The following PIK3CG variants were observed in gnomAD, a reference collection of about 807,000 sequenced individuals.
The protein encoded by PIK3CG is phosphatidylinositol-4,5-bisphosphate 3-kinase catalytic subunit gamma.
PIK3CG carries 55 observed loss-of-function variants against 102.3 expected under a neutral mutation model. The ratio of observed to expected loss-of-function variants is 0.54; its 90% CI spans 0.43 to 0.67. The LOEUF is 0.67. PIK3CG is among the 30% of genes least tolerant of loss of function. The pLI is 0.00. For missense variants in PIK3CG, 1,258 were observed against 1,391.8 expected (o/e 0.90, Z 1.53); for synonymous variants, 552 against 540.0 (o/e 1.02, Z -0.31).
rs2116549192 is a variant in PIK3CG, at chr7:106,883,710, T to G, written c.2761-445T>G. Reference sequence around the variant, plus strand: ...TGCTGCACAGGATTAGCACTTCTCATTTGCATGGTTAGCAGCCTTTTGGGG... The same window carrying G: ...TGCTGCACAGGATTAGCACTTCTCAGTTGCATGGTTAGCAGCCTTTTGGGG... On this transcript the variant is annotated intron_variant, in intron 8 of 10. Coordinates refer to ENST00000496166, the MANE Select transcript of PIK3CG (RefSeq NM_001282426.2). The surrounding 1 kb of genome is among the most constrained non-coding windows in gnomAD (Gnocchi z 5.8). Among the ~76,000 whole-genome samples, 1 of 152,316 alleles carries G rather than the reference T, an allele frequency of 6.6e-6. No homozygotes were observed. Among genetic ancestry groups the G allele is most frequent in the East Asian group, 1.9e-4 (1 of 5,178 alleles).
chr7:106,904,628 T>C (rs1408561438), intron 10 of PIK3CG, among the ~76,000 whole-genome samples: 2 of 152,244 alleles, frequency 1.3e-5, no homozygotes, highest in African/African-American at 4.8e-5. Flanking sequence ...CTAATGCATC[T>C]GTTTTCTTAG....
chr7:106,897,420 T>TCA lies in PIK3CG; in HGVS notation c.3031-7689_3031-7688insCA. On this transcript the variant is annotated intron_variant, in intron 10 of 10. Coordinates refer to ENST00000496166, the MANE Select transcript of PIK3CG (RefSeq NM_001282426.2). This position sits in a 1 kb window ranked among gnomAD's most constrained non-coding sequence, Gnocchi z 4.6. The stretch of plus-strand genomic sequence containing the variant: ...TTTGGCTGGGGGTACATGTGAAAGT[T>TCA]TGTTACATAGGTAAACACATGTCAC... Among the ~76,000 whole-genome samples, 1 of 152,218 alleles carries TCA rather than the reference T, an allele frequency of 6.6e-6. No homozygotes were observed. The highest frequency in any genetic ancestry group is 2.4e-5 in the African/African-American group (1 of 41,440).
In PIK3CG at chr7:106,890,461, G is replaced by A. The variant is rs1036390730; in HGVS notation, c.3030+4169G>A. On this transcript the variant is annotated intron_variant, in intron 10 of 10. Coordinates refer to ENST00000496166, the MANE Select transcript of PIK3CG (RefSeq NM_001282426.2). The surrounding 1 kb of genome is among the most constrained non-coding windows in gnomAD (Gnocchi z 4.2). ...CTCCCAAAGTGCTGGGACTACAGGC[G>A]TGAGCCAGCGTGCCCAGCCCCGAAT... Among the ~76,000 whole-genome samples the A allele has an allele frequency of 2.5e-4, 38 of 152,236 alleles. 1 individual carries two copies. The highest frequency in any genetic ancestry group is 8.4e-4 in the African/African-American group (35 of 41,450).
chr7:106,905,377 A>G lies in PIK3CG; in HGVS notation c.3299A>G (p.His1100Arg), dbSNP rs2116620169. The change falls in exon 11 of 11, where the codon CAT becomes CGT. Residue 1100 changes from histidine (H) to arginine (R), a missense_variant. By Grantham distance (29) the His-to-Arg change is conservative. Transcript: ENST00000496166. The surrounding 1 kb of genome is among the most constrained non-coding windows in gnomAD (Gnocchi z 5.6). ...LVLGIKQGEK[H>R]SA ...CTTGGCATCAAACAAGGAGAGAAAC[A>G]TTCAGCCTAATACTTTAGGCTAGAA... 6.2e-7 allele frequency: 1 copy of G among 1,613,630 alleles called. No individual in the cohort carries two copies.
rs936954880 is a variant in PIK3CG, at chr7:106,893,658, A to C, written c.3030+7366A>C. ...CTCCTAAATAGAGATGTTTTCTTTT[A>C]AATTTTCTGAACATTGACTACAGTT... On this transcript the variant is annotated intron_variant, in intron 10 of 10. Transcript: ENST00000496166. The surrounding 1 kb of genome is among the most constrained non-coding windows in gnomAD (Gnocchi z 4.4). Among the ~76,000 whole-genome samples the C allele has an allele frequency of 6.6e-6, 1 of 152,208 alleles. No homozygotes were observed. The highest frequency in any genetic ancestry group is 1.5e-5 in the Non-Finnish European group (1 of 68,026).
rs2116445695 is a variant in PIK3CG at position 106,868,635 on chromosome 7, C to T, written c.1074C>T (p.Asp358=). The change falls in exon 2 of 11, where the codon GAC becomes GAT. Residue 358 remains aspartate, a synonymous_variant. Coordinates refer to ENST00000496166, the MANE Select transcript of PIK3CG (RefSeq NM_001282426.2). The surrounding 1 kb of genome is among the most constrained non-coding windows in gnomAD (Gnocchi z 6.2). ...SVFTVSLWDC[D]RKFRVKIRGI... ...TCACCGTGTCCCTGTGGGACTGCGA[C>T]CGCAAGTTCAGGGTCAAGATCAGAG... is the stretch of plus-strand genomic sequence containing the variant. 1 of 1,614,200 alleles carries T rather than the reference C, an allele frequency of 6.2e-7. No individual in the cohort carries two copies. Among genetic ancestry groups the T allele is most frequent in the Non-Finnish European group, 8.5e-7 (1 of 1,180,034 alleles).
Position 106,903,384 on chromosome 7 carries a change from A to G in PIK3CG, c.3031-1725A>G, listed in dbSNP as rs1003405730. Among the ~76,000 whole-genome samples the G allele has an allele frequency of 1.3e-5, 2 of 152,092 alleles. No individual in the cohort carries two copies. The highest frequency in any genetic ancestry group is 6.5e-5 in the Admixed American group (1 of 15,278). On this transcript the variant is annotated intron_variant, in intron 10 of 10. Coordinates refer to ENST00000496166, the MANE Select transcript of PIK3CG (RefSeq NM_001282426.2). This position sits in a 1 kb window ranked among gnomAD's most constrained non-coding sequence, Gnocchi z 4.3. ...TTATAGATTAATCTAAGAATAATTTATATCATTATAAGCAGTCTTGTCACT... is the reference window on the plus strand; with the variant it reads ...TTATAGATTAATCTAAGAATAATTTGTATCATTATAAGCAGTCTTGTCACT...
At chr7:106,882,937 A>AACCCCCCCC in intron 7 of PIK3CG, 96 bp from the exon 8 acceptor site, 1 of 924,274 alleles carries the variant, frequency 1.1e-6, no homozygotes. Context: ...AAAAAAAAAA[A>AACCCCCCCC]CCCTCTGCCC....
intron 1 of PIK3CG, among the ~76,000 whole-genome samples, chr7:106,866,494 G>C (rs1302383603): frequency 6.6e-6 from 1 of 152,148 alleles, no homozygotes; most frequent in Non-Finnish European, 1.5e-5. Context: ...TTACAAAAAT[G>C]AAAATATTAG....
rs1460186533 is a variant in PIK3CG at position 106,886,207 on chromosome 7, G to A, written c.2945G>A (p.Arg982Lys). 1 of 1,613,938 alleles carries A rather than the reference G, an allele frequency of 6.2e-7. No individual in the cohort carries two copies. Among genetic ancestry groups the A allele is most frequent in the Non-Finnish European group, 8.5e-7 (1 of 1,179,924 alleles). ...YKSFLGINKE[R>K]VPFVLTPDFL... The stretch of plus-strand genomic sequence containing the variant: ...AGTTTCCTGGGCATTAATAAAGAGA[G>A]AGTGCCATTTGTGCTAACCCCTGAC... The change falls in exon 10 of 11, where the codon AGA (arginine) becomes AAA (lysine). Residue 982 changes from arginine to lysine, a missense_variant. Coordinates refer to ENST00000496166, the MANE Select transcript of PIK3CG (RefSeq NM_001282426.2).
chr7:106,867,001 G>A lies in PIK3CG; in HGVS notation c.-12-549G>A, dbSNP rs1047184293. Among the ~76,000 whole-genome samples the A allele has an allele frequency of 2.0e-5, 3 of 152,130 alleles. No homozygotes were observed. The highest frequency in any genetic ancestry group is 4.4e-5 in the Non-Finnish European group (3 of 68,020). ...CAAAGAGGAAGTAAGTTAAAGGCCTGTTTTCAAAGTGAGATTTTTTGGCAT... is the reference window on the plus strand; with the variant it reads ...CAAAGAGGAAGTAAGTTAAAGGCCTATTTTCAAAGTGAGATTTTTTGGCAT... On this transcript the variant is annotated intron_variant, in intron 1 of 10. Transcript: ENST00000496166. This position sits in a 1 kb window ranked among gnomAD's most constrained non-coding sequence, Gnocchi z 5.1.
At position 106,890,226 on chromosome 7, in the gene PIK3CG, G is replaced by A. The variant is rs1474998413; in HGVS notation, c.3030+3934G>A. On this transcript the variant is annotated intron_variant, in intron 10 of 10. Transcript: ENST00000496166. The surrounding 1 kb of genome is among the most constrained non-coding windows in gnomAD (Gnocchi z 4.2). The stretch of plus-strand genomic sequence containing the variant: ...AGACGGAGTCTCTCTCTGTTGCCCA[G>A]GCTGGAATGCAGTGGTGTGATCTCG... Among the ~76,000 whole-genome samples, 2 of 152,224 alleles carry A rather than the reference G, an allele frequency of 1.3e-5. No homozygotes were observed. Among genetic ancestry groups the A allele is most frequent in the African/African-American group, 4.8e-5 (2 of 41,462 alleles).
In PIK3CG at chr7:106,868,294, C is replaced by T. The variant is rs1790389946; in HGVS notation, c.733C>T (p.Leu245=). ...ACCCGACGACACCCCCGGCGCCATC[C>T]TGCAGAGCTTCTTCACCAAGATGGC... The part of the protein sequence containing the change: ...VSPDDTPGAI[L]QSFFTKMAKK... The change falls in exon 2 of 11, where the codon CTG becomes TTG. Residue 245 remains leucine (L), a synonymous_variant. Transcript: ENST00000496166. The surrounding 1 kb of genome is among the most constrained non-coding windows in gnomAD (Gnocchi z 6.2). 6.2e-7 allele frequency: 1 copy of T among 1,614,198 alleles called. No individual in the cohort carries two copies. Among genetic ancestry groups the T allele is most frequent in the African/African-American group, 1.3e-5 (1 of 75,066 alleles).
chr7:106,865,682 A>G (rs1208410421), intron 1 of PIK3CG: 1 of 152,196 alleles, frequency 6.6e-6, no homozygotes, highest in East Asian at 1.9e-4. Flanking sequence ...TCATATTCCT[A>G]CAAGTGCATG....
At position 106,869,023 on chromosome 7, in the gene PIK3CG, T is replaced by A. The variant is rs1376848050; in HGVS notation, c.1462T>A (p.Ser488Thr). 6.2e-7 allele frequency: 1 copy of A among 1,614,054 alleles called. No individual in the cohort carries two copies. The change falls in exon 2 of 11, where the codon TCT becomes ACT. Residue 488 changes from serine to threonine, a missense_variant. Transcript: ENST00000496166. This position sits in a 1 kb window ranked among gnomAD's most constrained non-coding sequence, Gnocchi z 5.3. Reference protein sequence around the residue: ...GEYVLHMWQISGKGEDQGSFN... With the variant: ...GEYVLHMWQITGKGEDQGSFN... ...ATACGTCCTCCACATGTGGCAGATA[T>A]CTGGGAAGGGAGAAGACCAAGGAAG...
chr7:106,897,117 T>C lies in PIK3CG; in HGVS notation c.3031-7992T>C, dbSNP rs1472503700. 6.6e-6 allele frequency among the ~76,000 whole-genome samples: 1 copy of C among 152,264 alleles called. No homozygotes were observed. The highest frequency in any genetic ancestry group is 1.9e-4 in the East Asian group (1 of 5,204). On this transcript the variant is annotated intron_variant, in intron 10 of 10. Coordinates refer to ENST00000496166, the MANE Select transcript of PIK3CG (RefSeq NM_001282426.2). This position sits in a 1 kb window ranked among gnomAD's most constrained non-coding sequence, Gnocchi z 4.6. Reference sequence around the variant, plus strand: ...TAAATATCCTTCTACAGTATCTTTCTAGTAGTTCCAGGACATGCAATTTTA... The same window carrying C: ...TAAATATCCTTCTACAGTATCTTTCCAGTAGTTCCAGGACATGCAATTTTA...
At chr7:106,873,935 C>T (rs1471035944) in intron 4 of PIK3CG, among the ~76,000 whole-genome samples, 2 of 152,064 alleles carry the variant, frequency 1.3e-5, no homozygotes, top group South Asian at 4.1e-4. Context: ...ACTGTATCAA[C>T]CTTGAATCTA....
chr7:106,886,705 T>C (rs75159311), intron 10 of PIK3CG, among the ~76,000 whole-genome samples: 156 of 152,326 alleles, frequency 1.0e-3, no homozygotes, highest in African/African-American at 3.6e-3. Context: ...GGTTGTGAGC[T>C]TCTCTTGGTT....
At position 106,866,971 on chromosome 7, in the gene PIK3CG, C is replaced by T. The variant is rs1358249233; in HGVS notation, c.-12-579C>T. Among the ~76,000 whole-genome samples the T allele has an allele frequency of 2.6e-5, 4 of 152,204 alleles. No homozygotes were observed. In the East Asian group the frequency reaches 5.8e-4, roughly 22 times the overall value. On this transcript the variant is annotated intron_variant, in intron 1 of 10. Transcript: ENST00000496166. ...TGTCTGGGTTCCAAGAAGTGTGAGACTTAACAAAGAGGAAGTAAGTTAAAG... is the reference window on the plus strand; with the variant it reads ...TGTCTGGGTTCCAAGAAGTGTGAGATTTAACAAAGAGGAAGTAAGTTAAAG...
Sources: gnomAD v4.1 joint callset for allele counts (sites outside exome capture counted in the v4.1 genomes callset) on GRCh38, gnomAD v4.1.1 for gene constraint, Gnocchi (gnomAD v3.1) non-coding constraint, MANE v1.5 for transcripts, NCBI Gene and HGNC (gene_info 2026-07-23, HGNC 2026-07-21) for gene names.